The following ASTN2 variants were observed in gnomAD, a reference collection of about 807,000 sequenced individuals.
ASTN2 encodes the protein astrotactin-2.
ASTN2 carries 54 observed loss-of-function variants against 139.8 expected under a neutral mutation model. The ratio of observed to expected loss-of-function variants is 0.39; its 90% CI spans 0.31 to 0.48. The LOEUF (loss-of-function observed/expected upper bound fraction) is 0.48. Ranked by LOEUF, ASTN2 falls within the 20% of genes least tolerant of loss-of-function variation. The probability of loss-of-function intolerance (pLI) is 0.95; values close to 1 mark genes in which losing one functional copy is unlikely to be tolerated. For missense variants in ASTN2, 1,565 were observed against 1,725.1 expected (o/e 0.91, Z 1.64); for synonymous variants, 756 against 719.5 (o/e 1.05, Z -0.81).
chr9:116,445,276 G>A (rs1847953638), intron 20 of ASTN2, among the ~76,000 whole-genome samples: 2 of 152,164 alleles, frequency 1.3e-5, no homozygotes, highest in African/African-American at 4.8e-5. Context: ...AGGATTACAT[G>A]GAGTGATGCT....
intron 10 of ASTN2, among the ~76,000 whole-genome samples, chr9:116,870,046 G>A (rs1833119727): frequency 6.6e-6 from 1 of 151,954 alleles, no homozygotes; most frequent in Non-Finnish European, 1.5e-5. Flanking sequence ...GGCAAGTTTG[G>A]GGAGGTGGGG....
intron 1 of ASTN2, among the ~76,000 whole-genome samples, chr9:117,407,453 C>A (rs1318715350): frequency 6.6e-6 from 1 of 152,156 alleles, no homozygotes; most frequent in Non-Finnish European, 1.5e-5. Flanking sequence ...AGTGTTGAGG[C>A]CTGACCTTGA....
chr9:116,533,346 C>G (rs979544545), intron 19 of ASTN2, among the ~76,000 whole-genome samples: 1 of 152,106 alleles, frequency 6.6e-6, no homozygotes, highest in Non-Finnish European at 1.5e-5. Context: ...ATTGAATACC[C>G]TTTATTTCTT....
intron 22 of ASTN2, among the ~76,000 whole-genome samples, chr9:116,432,755 C>T (rs561968715): frequency 6.6e-6 from 1 of 152,130 alleles, no homozygotes; most frequent in African/African-American, 2.4e-5. Flanking sequence ...CACGGTGAAG[C>T]CCCGTCTCTA....
intron 16 of ASTN2, among the ~76,000 whole-genome samples, chr9:116,667,031 C>T (rs1309277695): frequency 2.3e-5 from 3 of 131,766 alleles, no homozygotes; most frequent in Non-Finnish European, 3.1e-5. Flanking sequence ...TCTTGGCTCA[C>T]TGCAACTTCT....
At chr9:117,262,021 C>G (rs57469508) in intron 2 of ASTN2, among the ~76,000 whole-genome samples, 4,031 of 152,258 alleles carry the variant, frequency 0.026, 167 homozygotes, top group African/African-American at 0.09. Context: ...AATTCTCTTT[C>G]TTTCTTTTTA....
rs147583324 is a variant in ASTN2 at position 117,377,839 on chromosome 9, C to T, written c.442+36658G>A. ...CATTTTAAAGTAAAAAACAAAGATA[C>T]ACATACAAGTGTCAAAATAATAGCG... is the stretch of plus-strand genomic sequence containing the variant. On this transcript the variant is annotated intron_variant, in intron 1 of 22. Transcript: ENST00000313400. Among the ~76,000 whole-genome samples the T allele has an allele frequency of 1.4e-4, 22 of 152,102 alleles. 1 individual carries two copies. The highest frequency in any genetic ancestry group is 5.3e-4 in the African/African-American group (22 of 41,490).
intron 20 of ASTN2, among the ~76,000 whole-genome samples, chr9:116,442,953 T>C (rs951698522): frequency 1.3e-5 from 2 of 152,208 alleles, no homozygotes; most frequent in African/African-American, 4.8e-5. Flanking sequence ...AAATATTTAT[T>C]GAGCATTTAC....
intron 11 of ASTN2, among the ~76,000 whole-genome samples, chr9:116,859,112 T>C (rs1278394950): frequency 1.3e-5 from 2 of 152,208 alleles, no homozygotes; most frequent in Admixed American, 1.3e-4. Context: ...CAACGCTGCC[T>C]CTCTCTACCC....
intron 10 of ASTN2, among the ~76,000 whole-genome samples, chr9:116,922,775 T>C (rs952612580): frequency 6.6e-6 from 1 of 152,240 alleles, no homozygotes; most frequent in Non-Finnish European, 1.5e-5. Context: ...AATTTACCTA[T>C]GTAAATTCAT....
At chr9:116,962,200 C>T (rs530358819) in intron 10 of ASTN2, among the ~76,000 whole-genome samples, 1 of 152,368 alleles carries the variant, frequency 6.6e-6, no homozygotes, top group South Asian at 2.1e-4. Context: ...GTTCTACTCA[C>T]CTGGGACTTG....
intron 13 of ASTN2, among the ~76,000 whole-genome samples, chr9:116,788,229 G>A (rs1055149666): frequency 6.6e-6 from 1 of 152,114 alleles, no homozygotes; most frequent in Non-Finnish European, 1.5e-5. Context: ...ACAATGTTTC[G>A]ATTAGACAGG....
chr9:116,918,341 G>C (rs1272743905), intron 10 of ASTN2, among the ~76,000 whole-genome samples: 1 of 152,140 alleles, frequency 6.6e-6, no homozygotes, highest in African/African-American at 2.4e-5. Context: ...GGCACAGGGG[G>C]CAGCCTCATA....
intron 22 of ASTN2, among the ~76,000 whole-genome samples, chr9:116,433,237 A>G (rs187784327): frequency 6.6e-6 from 1 of 152,354 alleles, no homozygotes; most frequent in Admixed American, 6.5e-5. Context: ...TTGCATGACT[A>G]AAGGACCCTT....
intron 1 of ASTN2, among the ~76,000 whole-genome samples, chr9:117,299,869 T>G (rs945542447): frequency 1.1e-4 from 17 of 152,174 alleles, no homozygotes; most frequent in Non-Finnish European, 2.2e-4. Context: ...GAATACTAAA[T>G]TTTGAGTCAG....
intron 1 of ASTN2, among the ~76,000 whole-genome samples, chr9:117,347,589 T>G (rs1829260375): frequency 6.6e-6 from 1 of 152,194 alleles, no homozygotes; most frequent in African/African-American, 2.4e-5. Context: ...CTTTGTCTAG[T>G]GCAATTCTCT....
intron 1 of ASTN2, among the ~76,000 whole-genome samples, chr9:117,328,804 TG>T (rs1828604245): frequency 1.3e-5 from 2 of 152,228 alleles, no homozygotes; most frequent in East Asian, 3.9e-4. Flanking sequence ...ACAGAGTAAA[TG>T]GGTTTAGCAA....
intron 16 of ASTN2, among the ~76,000 whole-genome samples, chr9:116,657,968 A>G (rs562836617): frequency 1.1e-3 from 163 of 144,446 alleles, no homozygotes; most frequent in Non-Finnish European, 2.1e-3. Flanking sequence ...GCTCACTGCA[A>G]CCTCCACCTC....
chr9:116,517,373 G>A (rs1850695612), intron 19 of ASTN2, among the ~76,000 whole-genome samples: 1 of 152,182 alleles, frequency 6.6e-6, no homozygotes, highest in Non-Finnish European at 1.5e-5. Context: ...CCAGCCTGGA[G>A]CTCTGCTGGG....
Sources: allele counts gnomAD v4.1 joint callset (sites outside exome capture counted in the v4.1 genomes callset), GRCh38; gene constraint gnomAD v4.1.1; transcripts MANE v1.5; gene names NCBI Gene and HGNC (gene_info 2026-07-23, HGNC 2026-07-21).